LMNA: variants seen among roughly 807,000 people sequenced by gnomAD.
LMNA encodes the protein lamin A/C, also known as lamin.
LMNA carries 20 observed loss-of-function variants against 70.4 expected under a neutral mutation model. The observed-to-expected ratio is 0.28, with a 90% CI of 0.20 to 0.41. The LOEUF is 0.41. Ranked by LOEUF, LMNA falls within the 10% of genes least tolerant of loss-of-function variation. LMNA has a pLI of 1.00. For missense variants in LMNA, 652 were observed against 917.2 expected (o/e 0.71, Z 3.73); for synonymous variants, 339 against 372.8 (o/e 0.91, Z 1.04).
intron 1 of LMNA, among the ~76,000 whole-genome samples, chr1:156,122,937 C>T (rs1334667424): frequency 6.6e-6 from 1 of 152,192 alleles, no homozygotes; most frequent in Non-Finnish European, 1.5e-5. Flanking sequence ...TCACCCCTGC[C>T]TCCCCCAAGT....
intron 3 of LMNA, among the ~76,000 whole-genome samples, chr1:156,095,985 T>C (rs1188034624): frequency 6.6e-6 from 1 of 152,234 alleles, no homozygotes; most frequent in Non-Finnish European, 1.5e-5. Flanking sequence ...TCTGGCCTCC[T>C]GTGTTTCTGT....
chr1:156,101,590 T>C (rs1649139645), intron 3 of LMNA, among the ~76,000 whole-genome samples: 1 of 127,230 alleles, frequency 7.9e-6, no homozygotes, highest in Admixed American at 9.0e-5. Flanking sequence ...GAGAGACTGG[T>C]TGGGAGGCTG....
intron 3 of LMNA, among the ~76,000 whole-genome samples, chr1:156,099,005 C>A (rs1649043203): frequency 6.6e-6 from 1 of 152,140 alleles, no homozygotes; most frequent in Non-Finnish European, 1.5e-5. Flanking sequence ...ATTGCCTCCT[C>A]ATGATGGGCA....
rs1272267171 is a variant in LMNA at position 156,137,119 on chromosome 1, G to A, written c.1495G>A (p.Ala499Thr). The change falls in exon 9 of 12, where the codon GCT becomes ACT. Residue 499 changes from alanine to threonine, a missense_variant. By Grantham distance (58) the Ala-to-Thr change is moderately conservative. Coordinates refer to ENST00000368300, the MANE Select transcript of LMNA (RefSeq NM_170707.4). The surrounding 1 kb of genome is among the most constrained non-coding windows in gnomAD (Gnocchi z 4.6). ...LKAGQVVTIW[A>T]AGAGATHSPP... is the part of the protein sequence containing the mutation. ...GTCCTTTTCTCCTCTCCAGATCTGG[G>A]CTGCAGGAGCTGGGGCCACCCACAG... 2 of 1,613,742 alleles carry A rather than the reference G, an allele frequency of 1.2e-6. No individual in the cohort carries two copies. The highest frequency in any genetic ancestry group is 2.7e-5 in the African/African-American group (2 of 74,922).
At position 156,137,358 on chromosome 1, in the gene LMNA, T is replaced by C; in HGVS notation, c.1608+126T>C. On this transcript the variant is annotated intron_variant, in intron 9 of 11. Transcript: ENST00000368300. This position sits in a 1 kb window ranked among gnomAD's most constrained non-coding sequence, Gnocchi z 4.6. ...CTTTCTAGAGCTCTCTGTTGCAGGC[T>C]CCAGACTTCTCCACCCAGTAGGCAA... 1 of 1,245,594 alleles carries C rather than the reference T, an allele frequency of 8.0e-7. No individual in the cohort carries two copies. 77.2% of individuals were successfully genotyped at this position (1,245,594 alleles called of 1,614,324 possible). A position where few individuals can be genotyped will look rare whatever the true frequency, so the allele number is the denominator to read the frequency against.
At chr1:156,114,195 G>C (rs1479105553), upstream of LMNA, among the ~76,000 whole-genome samples, 1 of 152,200 alleles carries the variant, frequency 6.6e-6, no homozygotes, top group Non-Finnish European at 1.5e-5. Flanking sequence ...CTGAGATGCA[G>C]CTCTGAATGG....
At chr1:156,116,855 C>T (rs567969716) in intron 1 of LMNA, among the ~76,000 whole-genome samples, 16 of 151,924 alleles carry the variant, frequency 1.1e-4, no homozygotes, top group African/African-American at 3.1e-4. Context: ...TGAGCCACCA[C>T]GCTGGGCCCA....
chr1:156,130,484 A>G (rs1459363822), intron 1 of LMNA, 133 bp from the exon 2 acceptor site: 1 of 992,958 alleles, frequency 1.0e-6, no homozygotes, highest in African/African-American at 1.6e-5. Context: ...AAACCAACCT[A>G]ATGCAAGGAT....
Position 156,135,063 on chromosome 1 carries a change from G to T in LMNA, c.810+88G>T. The T allele has an allele frequency of 6.2e-7, 1 of 1,609,888 alleles. No homozygotes were observed. The highest frequency in any genetic ancestry group is 8.5e-7 in the Non-Finnish European group (1 of 1,176,818). On this transcript the variant is annotated intron_variant, in intron 4 of 11. Coordinates refer to ENST00000368300, the MANE Select transcript of LMNA (RefSeq NM_170707.4). This position sits in a 1 kb window ranked among gnomAD's most constrained non-coding sequence, Gnocchi z 4.8. The stretch of plus-strand genomic sequence containing the variant: ...CTGGGCTATGCCTTCTGGGGATCAG[G>T]CAGATGGTGGCAGGGAGCTCAGGGT...
chr1:156,121,897 G>A (rs1229225242), intron 1 of LMNA, among the ~76,000 whole-genome samples: 2 of 152,230 alleles, frequency 1.3e-5, no homozygotes, highest in East Asian at 3.9e-4. Context: ...GCTCACGCCT[G>A]TAATCCCAGC....
chr1:156,121,046 CTTTTTTT>C (rs57371677), intron 1 of LMNA, among the ~76,000 whole-genome samples: 11 of 100,412 alleles, frequency 1.1e-4, no homozygotes, highest in Non-Finnish European at 1.6e-4. Context: ...CAAATCCATT[CTTTTTTT>C]TTTTTTTTTT....
intron 3 of LMNA, among the ~76,000 whole-genome samples, chr1:156,094,530 G>C (rs1364663185): frequency 6.6e-6 from 1 of 151,924 alleles, no homozygotes; most frequent in Non-Finnish European, 1.5e-5. Context: ...GTAGAGACAG[G>C]GTTTTACCAT....
chr1:156,136,385 G>C lies in LMNA; in HGVS notation c.1329G>C (p.Glu443Asp). 6.2e-7 allele frequency: 1 copy of C among 1,610,704 alleles called. No homozygotes were observed. Among genetic ancestry groups the C allele is most frequent in the Non-Finnish European group, 8.5e-7 (1 of 1,179,320 alleles). ...HARTSGRVAV[E>D]EVDEEGKFVR... ...GCACTAGCGGGCGCGTGGCCGTGGA[G>C]GAGGTGGATGAGGAGGGCAAGTTTG... The change falls in exon 7 of 12, where the codon GAG (glutamate) becomes GAC (aspartate). Residue 443 changes from glutamate to aspartate, a missense_variant. This residue lies in a region of LMNA where 327 missense variants were observed against 387.6 expected (regional missense o/e 0.84). Transcript: ENST00000368300. This position sits in a 1 kb window ranked among gnomAD's most constrained non-coding sequence, Gnocchi z 6.1.
rs1651870369 is a variant in LMNA at position 156,138,649 on chromosome 1, C to T, written c.1860C>T (p.Val620=). Residue 620 remains valine, a synonymous_variant, in exon 11 of 12, where the codon GTC becomes GTT. Coordinates refer to ENST00000368300, the MANE Select transcript of LMNA (RefSeq NM_170707.4). The surrounding 1 kb of genome is among the most constrained non-coding windows in gnomAD (Gnocchi z 5.5). The part of the protein sequence containing the change: ...PISSGSSASS[V]TVTRSYRSVG... ...CCTCTGGCTCTTCTGCCTCCAGTGT[C>T]ACGGTCACTCGCAGCTACCGCAGTG... The T allele has an allele frequency of 6.2e-7, 1 of 1,613,474 alleles. No individual in the cohort carries two copies.
At chr1:156,112,731 T>C (rs908075214), upstream of LMNA, among the ~76,000 whole-genome samples, 21 of 152,166 alleles carry the variant, frequency 1.4e-4, no homozygotes, top group Admixed American at 2.6e-4. Flanking sequence ...AGAACTTTCC[T>C]TGTTCCCCTC....
chr1:156,130,712 C>T lies in LMNA; in HGVS notation c.452C>T (p.Ala151Val). The T allele has an allele frequency of 1.2e-6, 2 of 1,612,954 alleles. No individual in the cohort carries two copies. The highest frequency in any genetic ancestry group is 1.7e-6 in the Non-Finnish European group (2 of 1,179,684). ...TCCAAGGAGGCCGCACTGAGCACTGCTCTCAGTGAGAAGCGCACGCTGGAG... is the reference window on the plus strand; with the variant it reads ...TCCAAGGAGGCCGCACTGAGCACTGTTCTCAGTGAGAAGCGCACGCTGGAG... ...LNSKEAALST[A>V]LSEKRTLEGE... The change falls in exon 2 of 12, where the codon GCT becomes GTT. Residue 151 changes from alanine (A) to valine (V), a missense_variant. Ala to Val is a moderately conservative substitution (Grantham distance 64). Transcript: ENST00000368300.
chr1:156,090,424 T>C (rs1648652907), intron 2 of LMNA: 1 of 152,168 alleles, frequency 6.6e-6, no homozygotes, highest in Non-Finnish European at 1.5e-5. Flanking sequence ...GGACTTGACG[T>C]TTCCTGAGTG....
intron 3 of LMNA, among the ~76,000 whole-genome samples, chr1:156,092,543 G>A (rs1648748725): frequency 6.6e-6 from 1 of 151,930 alleles, no homozygotes; most frequent in Admixed American, 6.6e-5. Context: ...GCTGGGCGTG[G>A]TGGTGGGTAC....
upstream of LMNA, among the ~76,000 whole-genome samples, chr1:156,111,531 C>T: frequency 6.6e-6 from 1 of 152,168 alleles, no homozygotes; most frequent in Non-Finnish European, 1.5e-5. Context: ...GCTCCAGCTC[C>T]CAGACTTCTG....
Sources: gnomAD v4.1 joint callset for allele counts (sites outside exome capture counted in the v4.1 genomes callset) on GRCh38, gnomAD v4.1.1 for gene constraint, gnomAD v4.1.1 regional missense constraint, Gnocchi (gnomAD v3.1) non-coding constraint, MANE v1.5 for transcripts, NCBI Gene and HGNC (gene_info 2026-07-23, HGNC 2026-07-21) for gene names.